The following TSPAN13 variants were observed in gnomAD, a reference collection of about 807,000 sequenced individuals.
The protein encoded by TSPAN13 is tetraspanin-13.
A neutral mutation model predicts 26.9 loss-of-function variants in TSPAN13; 18 were observed. That is an observed-to-expected ratio of 0.67 (90% CI 0.46 to 0.99). The LOEUF (loss-of-function observed/expected upper bound fraction) is 0.99. Ranked by LOEUF, TSPAN13 falls within the 50% of genes least tolerant of loss-of-function variation. TSPAN13 has a pLI of 0.00. For synonymous variants in TSPAN13, 116 were observed against 98.4 expected (o/e 1.18, Z -1.06); for missense variants, 201 against 249.6 (o/e 0.81, Z 1.31).
intron 1 of TSPAN13, among the ~76,000 whole-genome samples, chr7:16,761,496 T>C (rs1377012038): frequency 6.6e-6 from 1 of 152,050 alleles, no homozygotes; most frequent in East Asian, 1.9e-4. Context: ...TGTTGAGGCA[T>C]ATTGAGGAAG....
At chr7:16,760,808 G>A (rs55802535) in intron 1 of TSPAN13, among the ~76,000 whole-genome samples, 1 of 151,980 alleles carries the variant, frequency 6.6e-6, no homozygotes, top group Non-Finnish European at 1.5e-5. Flanking sequence ...ACCGAGAGTT[G>A]GTTCTCGAAT....
At chr7:16,779,384 C>G (rs1054541526) in intron 5 of TSPAN13, among the ~76,000 whole-genome samples, 1 of 152,048 alleles carries the variant, frequency 6.6e-6, no homozygotes, top group Non-Finnish European at 1.5e-5. Flanking sequence ...AGGGTCTCTT[C>G]TATTTCTACA....
chr7:16,753,839 G>A lies in TSPAN13; in HGVS notation c.-129G>A, dbSNP rs546858921. The A allele has an allele frequency of 1.2e-5, 12 of 990,346 alleles. No homozygotes were observed. In the African/African-American group the frequency reaches 1.5e-4, roughly 12 times the overall value. 61.3% of individuals were successfully genotyped at this position (990,346 alleles called of 1,614,324 possible). On this transcript the variant is annotated 5_prime_UTR_variant, in exon 1 of 6. Coordinates refer to ENST00000262067, the MANE Select transcript of TSPAN13 (RefSeq NM_014399.4). ...GCCGCGCACTGCAGCCCCAGGCCCC[G>A]GCCCCCCACCCACGTCTGCGTTGCT...
chr7:16,783,311 T>C (rs1018559760), intron 5 of TSPAN13, 106 bp from the exon 6 acceptor site: 94 of 1,097,198 alleles, frequency 8.6e-5, no homozygotes, highest in Non-Finnish European at 1.1e-4. Context: ...GAACAAAAGA[T>C]GCAAAGCGAT....
At chr7:16,768,157 G>T (rs370697713) in intron 1 of TSPAN13, among the ~76,000 whole-genome samples, 1 of 152,068 alleles carries the variant, frequency 6.6e-6, no homozygotes, top group South Asian at 2.1e-4. Flanking sequence ...AAGGTGATCC[G>T]CCTGCCTTGG....
At chr7:16,763,140 G>A (rs980319378) in intron 1 of TSPAN13, among the ~76,000 whole-genome samples, 2 of 152,180 alleles carry the variant, frequency 1.3e-5, no homozygotes, top group African/African-American at 4.8e-5. Context: ...AAAAAGATGG[G>A]ACATTCCTCT....
chr7:16,767,998 C>G (rs917148596), intron 1 of TSPAN13, among the ~76,000 whole-genome samples: 26 of 152,152 alleles, frequency 1.7e-4, no homozygotes, highest in Non-Finnish European at 3.2e-4. Flanking sequence ...CTGCAACCTC[C>G]TCCTCCCAGG....
At chr7:16,766,025 T>C (rs1377705715) in intron 1 of TSPAN13, among the ~76,000 whole-genome samples, 2 of 152,216 alleles carry the variant, frequency 1.3e-5, no homozygotes, top group African/African-American at 4.8e-5. Flanking sequence ...AGAAATAAAT[T>C]GTTTTACTAT....
Position 16,753,811 on chromosome 7 carries a change from C to A in TSPAN13, c.-157C>A. The A allele has an allele frequency of 1.5e-6, 1 of 647,896 alleles. No homozygotes were observed. The allele number at this position is 647,896 out of a possible 1,614,324, so 40.1% of individuals were successfully genotyped here. A position where few individuals can be genotyped will look rare whatever the true frequency, so the allele number is the denominator to read the frequency against. ...AGCGGGTCCGAGCCGCCGCCGCGCGCGCGCCGCGCACTGCAGCCCCAGGCC... is the reference window on the plus strand; with the variant it reads ...AGCGGGTCCGAGCCGCCGCCGCGCGAGCGCCGCGCACTGCAGCCCCAGGCC... On this transcript the variant is annotated 5_prime_UTR_variant, in exon 1 of 6. Transcript: ENST00000262067.
chr7:16,769,542 G>A (rs1784650284), intron 1 of TSPAN13, among the ~76,000 whole-genome samples: 1 of 151,496 alleles, frequency 6.6e-6, no homozygotes, highest in African/African-American at 2.4e-5. Context: ...TATTTTGGGG[G>A]TATATTACAA....
intron 1 of TSPAN13, among the ~76,000 whole-genome samples, chr7:16,757,120 G>T (rs1390047006): frequency 6.6e-6 from 1 of 152,144 alleles, no homozygotes; most frequent in East Asian, 1.9e-4. Flanking sequence ...GGCGTATAAG[G>T]AATATACTGA....
At chr7:16,774,299 A>T (rs967319364) in intron 1 of TSPAN13, among the ~76,000 whole-genome samples, 1 of 152,068 alleles carries the variant, frequency 6.6e-6, no homozygotes, top group Non-Finnish European at 1.5e-5. Context: ...TGTATTTCCT[A>T]TTGGTTCTGT....
chr7:16,762,986 C>G (rs766467926), intron 1 of TSPAN13, among the ~76,000 whole-genome samples: 7 of 152,118 alleles, frequency 4.6e-5, no homozygotes, highest in African/African-American at 1.7e-4. Flanking sequence ...ATTCAAGACC[C>G]CTGAAAATCT....
At chr7:16,775,259 T>A (rs947654127) in intron 1 of TSPAN13, among the ~76,000 whole-genome samples, 2 of 152,214 alleles carry the variant, frequency 1.3e-5, no homozygotes, top group African/African-American at 4.8e-5. Flanking sequence ...TTACCATCTT[T>A]ATGTGGCATA....
intron 1 of TSPAN13, among the ~76,000 whole-genome samples, chr7:16,763,498 G>A (rs1317200208): frequency 1.3e-5 from 2 of 152,278 alleles, no homozygotes; most frequent in South Asian, 2.1e-4. Flanking sequence ...CCTTTCATCC[G>A]CTTTTCAGCT....
intron 1 of TSPAN13, among the ~76,000 whole-genome samples, chr7:16,773,426 C>T (rs1377247529): frequency 6.6e-6 from 1 of 151,474 alleles, no homozygotes; most frequent in Non-Finnish European, 1.5e-5. Flanking sequence ...GTTATTGGAA[C>T]ACAGCCCTGC....
At chr7:16,771,147 G>T (rs1321297423) in intron 1 of TSPAN13, among the ~76,000 whole-genome samples, 1 of 152,220 alleles carries the variant, frequency 6.6e-6, no homozygotes, top group Non-Finnish European at 1.5e-5. Flanking sequence ...AGCACCAGCT[G>T]TATGCTTACA....
chr7:16,775,219 C>T (rs1418125223), intron 1 of TSPAN13, among the ~76,000 whole-genome samples: 2 of 152,144 alleles, frequency 1.3e-5, no homozygotes, highest in Admixed American at 6.5e-5. Context: ...TCCCCTAATA[C>T]CTATGTAAGC....
At chr7:16,767,784 T>G (rs1044150640) in intron 1 of TSPAN13, among the ~76,000 whole-genome samples, 1 of 152,246 alleles carries the variant, frequency 6.6e-6, no homozygotes, top group African/African-American at 2.4e-5. Flanking sequence ...TTGATGTGAT[T>G]TAACATTTTT....
Sources: allele counts gnomAD v4.1 joint callset (sites outside exome capture counted in the v4.1 genomes callset), GRCh38; gene constraint gnomAD v4.1.1; transcripts MANE v1.5; gene names NCBI Gene and HGNC (gene_info 2026-07-23, HGNC 2026-07-21).